NDC80: variants seen among roughly 807,000 people sequenced by gnomAD.
NDC80 encodes NDC80 kinetochore complex component, also known as kinetochore protein NDC80 homolog.
NDC80 carries 69 observed loss-of-function variants against 89.3 expected under a neutral mutation model. The observed-to-expected ratio is 0.77, with a 90% CI of 0.64 to 0.94. The LOEUF (loss-of-function observed/expected upper bound fraction) is 0.94, where lower values mean the gene tolerates loss of function less well. Ranked by LOEUF, NDC80 falls within the 40% of genes least tolerant of loss-of-function variation. The pLI is 0.00. For synonymous variants in NDC80, 243 were observed against 255.6 expected (o/e 0.95, Z 0.47); for missense variants, 593 against 739.6 (o/e 0.80, Z 2.30).
At chr18:2,609,207 A>G (rs1302107664) in intron 15 of NDC80, among the ~76,000 whole-genome samples, 1 of 152,200 alleles carries the variant, frequency 6.6e-6, no homozygotes, top group African/African-American at 2.4e-5. Flanking sequence ...TTTATTTCCT[A>G]GAAATTATGT....
intron 12 of NDC80, among the ~76,000 whole-genome samples, chr18:2,600,035 C>T (rs1568007397): frequency 6.6e-6 from 1 of 152,150 alleles, no homozygotes; most frequent in Non-Finnish European, 1.5e-5. Context: ...AAAAATACAT[C>T]CAGTAAACAT....
intron 7 of NDC80, 122 bp from the exon 8 acceptor site, chr18:2,587,708 C>A (rs2271753): frequency 0.011 from 7,444 of 685,630 alleles, 312 homozygotes; most frequent in East Asian, 0.11. Flanking sequence ...TTTATAGGTT[C>A]ATCTGACTAC....
chr18:2,601,620 T>A, intron 13 of NDC80, 135 bp downstream of exon 13: 1 of 442,180 alleles, frequency 2.3e-6, no homozygotes, highest in Non-Finnish European at 4.1e-6. Context: ...GAATTGGGTA[T>A]GCTCTCGACA....
chr18:2,589,378 C>G (rs1267276031), intron 9 of NDC80, 68 bp downstream of exon 9: 1 of 1,055,824 alleles, frequency 9.5e-7, no homozygotes, highest in Admixed American at 2.3e-5. Context: ...TGGATATTAG[C>G]TGTCTTTATC....
intron 13 of NDC80, among the ~76,000 whole-genome samples, chr18:2,605,052 G>T (rs1437711543): frequency 6.6e-6 from 1 of 152,142 alleles, no homozygotes; most frequent in Non-Finnish European, 1.5e-5. Flanking sequence ...CAACAGTTTG[G>T]TTGTCCATTT....
At position 2,595,634 on chromosome 18, in the gene NDC80, A is replaced by T; in HGVS notation, c.1221+13A>T. ...AGGCAAAGAAGCGGTATGTCATACC[A>T]TTTCCAGAGTGGCAACTCATCATAG... On this transcript the variant is annotated intron_variant, in intron 11 of 16. Transcript: ENST00000261597. 6.2e-7 allele frequency: 1 copy of T among 1,609,960 alleles called. No individual in the cohort carries two copies.
intron 16 of NDC80, among the ~76,000 whole-genome samples, chr18:2,613,205 G>A (rs1295299745): frequency 6.6e-6 from 1 of 152,182 alleles, no homozygotes; most frequent in African/African-American, 2.4e-5. Context: ...CACCTCATTT[G>A]TTTTAGTATA....
At chr18:2,586,430 A>G (rs1031895026) in intron 7 of NDC80, among the ~76,000 whole-genome samples, 3 of 152,124 alleles carry the variant, frequency 2.0e-5, no homozygotes, top group Non-Finnish European at 4.4e-5. Flanking sequence ...TACAACATCT[A>G]TTAAGTATTA....
chr18:2,573,198 G>T, intron 2 of NDC80, 112 bp downstream of exon 2: 2 of 848,302 alleles, frequency 2.4e-6, no homozygotes, highest in Non-Finnish European at 3.6e-6. Flanking sequence ...GGTGAATCTT[G>T]TCTGTTCCCA....
intron 10 of NDC80, among the ~76,000 whole-genome samples, chr18:2,590,828 G>C (rs984169881): frequency 6.6e-6 from 1 of 152,160 alleles, no homozygotes; most frequent in Non-Finnish European, 1.5e-5. Context: ...CATGCTGCCT[G>C]AATATAGAAA....
intron 14 of NDC80, among the ~76,000 whole-genome samples, chr18:2,607,981 ATATATATATATATATAT>A (rs1433554068): frequency 8.2e-6 from 1 of 121,776 alleles, no homozygotes. Flanking sequence ...ATATATATAT[ATATATATATATATATAT>A]AACTTATTTA....
chr18:2,603,653 T>C (rs1177990668), intron 13 of NDC80, among the ~76,000 whole-genome samples: 2 of 151,982 alleles, frequency 1.3e-5, no homozygotes, highest in Non-Finnish European at 2.9e-5. Context: ...AGAAATAGTT[T>C]ATAGAGATGG....
chr18:2,590,338 C>T (rs1227583419), intron 10 of NDC80, among the ~76,000 whole-genome samples, 176 bp downstream of exon 10: 1 of 152,196 alleles, frequency 6.6e-6, no homozygotes, highest in Non-Finnish European at 1.5e-5. Flanking sequence ...CAAATGATCA[C>T]AAGTTTGGAT....
chr18:2,591,419 CTGTT>C (rs1274627768), intron 10 of NDC80, among the ~76,000 whole-genome samples: 3 of 152,088 alleles, frequency 2.0e-5, no homozygotes, highest in African/African-American at 7.2e-5. Context: ...TTGCCTACTT[CTGTT>C]TGTTTCTTTT....
chr18:2,607,646 C>T (rs922654810), intron 14 of NDC80, among the ~76,000 whole-genome samples: 9 of 151,700 alleles, frequency 5.9e-5, no homozygotes, highest in Admixed American at 5.9e-4. Flanking sequence ...AATAAAGTGA[C>T]TTTTTAATTT....
intron 16 of NDC80, among the ~76,000 whole-genome samples, chr18:2,612,798 C>T (rs910121952): frequency 6.6e-6 from 1 of 152,172 alleles, no homozygotes; most frequent in Non-Finnish European, 1.5e-5. Flanking sequence ...ATTCAGCAAG[C>T]ACTAAGCGCT....
chr18:2,584,058 C>T (rs758042405), intron 6 of NDC80, among the ~76,000 whole-genome samples: 9 of 151,728 alleles, frequency 5.9e-5, no homozygotes, highest in Non-Finnish European at 8.8e-5. Flanking sequence ...GAGGCCAAGG[C>T]GGGTGGATCA....
intron 8 of NDC80, among the ~76,000 whole-genome samples, chr18:2,588,770 G>T (rs113732321): frequency 9.9e-5 from 15 of 152,218 alleles, no homozygotes; most frequent in African/African-American, 3.6e-4. Context: ...AGCATCTAAT[G>T]AGTAATTTGA....
chr18:2,589,133 T>C, intron 8 of NDC80, 71 bp from the exon 9 acceptor site: 1 of 930,358 alleles, frequency 1.1e-6, no homozygotes, highest in African/African-American at 1.6e-5. Context: ...GAGGGAGTAA[T>C]GGTGAAAACT....
Sources: allele counts gnomAD v4.1 joint callset (sites outside exome capture counted in the v4.1 genomes callset), GRCh38; gene constraint gnomAD v4.1.1; transcripts MANE v1.5; gene names NCBI Gene and HGNC (gene_info 2026-07-23, HGNC 2026-07-21).